PRKCE: variants seen among roughly 807,000 people sequenced by gnomAD.
PRKCE encodes the protein protein kinase C epsilon.
PRKCE carries 16 observed loss-of-function variants against 85.4 expected under a neutral mutation model. The ratio of observed to expected loss-of-function variants is 0.19; its 90% CI spans 0.13 to 0.28. The LOEUF (loss-of-function observed/expected upper bound fraction) is 0.28, where lower values mean the gene tolerates loss of function less well. PRKCE is among the 10% of genes least tolerant of loss of function. The pLI, the probability that PRKCE is intolerant of heterozygous loss-of-function variation, is 1.00. For synonymous variants in PRKCE, 388 were observed against 371.5 expected (o/e 1.04, Z -0.51); for missense variants, 573 against 975.2 (o/e 0.59, Z 5.49).
At chr2:45,741,083 C>T (rs908282194) in intron 1 of PRKCE, among the ~76,000 whole-genome samples, 4 of 152,092 alleles carry the variant, frequency 2.6e-5, no homozygotes, top group African/African-American at 4.8e-5. Context: ...AAATTAAATG[C>T]GGAAATTTCC....
intron 11 of PRKCE, among the ~76,000 whole-genome samples, chr2:46,096,750 C>T (rs1198342492): frequency 6.6e-6 from 1 of 152,198 alleles, no homozygotes; most frequent in Non-Finnish European, 1.5e-5. Flanking sequence ...TTCTAGCAAA[C>T]TAATACTGAG....
chr2:45,679,345 A>G (rs187469569), intron 1 of PRKCE, among the ~76,000 whole-genome samples: 1 of 152,354 alleles, frequency 6.6e-6, no homozygotes, highest in East Asian at 1.9e-4. Flanking sequence ...ATACTGGAGA[A>G]AGCAATGTGT....
At chr2:45,960,442 A>G (rs1214648019) in intron 2 of PRKCE, among the ~76,000 whole-genome samples, 5 of 152,178 alleles carry the variant, frequency 3.3e-5, no homozygotes, top group Non-Finnish European at 1.5e-5. Flanking sequence ...CAGTTTTTCC[A>G]CTGATGGGCA....
intron 1 of PRKCE, among the ~76,000 whole-genome samples, chr2:45,743,043 C>T (rs1682709463): frequency 6.6e-6 from 1 of 152,134 alleles, no homozygotes; most frequent in South Asian, 2.1e-4. Flanking sequence ...ATTGCATGAT[C>T]TCATTTATAT....
intron 1 of PRKCE, among the ~76,000 whole-genome samples, chr2:45,836,975 A>C (rs1690933845): frequency 6.6e-6 from 1 of 152,194 alleles, no homozygotes. Context: ...TGTCCCAAGG[A>C]AAGGTTTGCT....
intron 1 of PRKCE, among the ~76,000 whole-genome samples, chr2:45,833,945 C>G (rs1690642254): frequency 6.6e-6 from 1 of 152,226 alleles, no homozygotes; most frequent in Non-Finnish European, 1.5e-5. Context: ...AGATGATGCT[C>G]TGTACCCTTA....
In PRKCE at chr2:46,159,836, G is replaced by T. The variant is rs371488495; in HGVS notation, c.2067+84G>T. 17 of 1,536,760 alleles carry T rather than the reference G, an allele frequency of 1.1e-5. No homozygotes were observed. Among genetic ancestry groups the T allele is most frequent in the Middle Eastern group, 2.0e-4 (1 of 4,884 alleles). ...AGGCTGCGTGCACCCAGGAAGAGTT[G>T]GTCAGGGGATGCGTATTACAGTAAA... On this transcript the variant is annotated intron_variant, in intron 14 of 14. Coordinates refer to ENST00000306156, the MANE Select transcript of PRKCE (RefSeq NM_005400.3). This position sits in a 1 kb window ranked among gnomAD's most constrained non-coding sequence, Gnocchi z 4.1.
At chr2:45,664,014 A>G (rs1325804611) in intron 1 of PRKCE, among the ~76,000 whole-genome samples, 2 of 152,236 alleles carry the variant, frequency 1.3e-5, no homozygotes. Flanking sequence ...ACATATATTG[A>G]GTACTTTCTA....
chr2:46,147,086 C>T (rs913222619), intron 12 of PRKCE, among the ~76,000 whole-genome samples: 2 of 152,104 alleles, frequency 1.3e-5, no homozygotes, highest in South Asian at 2.1e-4. Context: ...AGGAACATCT[C>T]GAAGTGAAGG....
intron 14 of PRKCE, among the ~76,000 whole-genome samples, chr2:46,183,231 C>T (rs1308923706): frequency 6.6e-6 from 1 of 152,202 alleles, no homozygotes; most frequent in Non-Finnish European, 1.5e-5. Context: ...ACAAAGCAAA[C>T]TAGATTTCCT....
At chr2:46,055,757 G>T (rs1242489999) in intron 10 of PRKCE, among the ~76,000 whole-genome samples, 1 of 152,030 alleles carries the variant, frequency 6.6e-6, no homozygotes, top group Non-Finnish European at 1.5e-5. Context: ...CAACCACCTG[G>T]GCTCAAGTGA....
chr2:45,780,516 C>T (rs6737567), intron 1 of PRKCE, among the ~76,000 whole-genome samples: 9,667 of 152,182 alleles, frequency 0.064, 1,041 homozygotes, highest in African/African-American at 0.22. Flanking sequence ...GAGAATGAGG[C>T]GACCAAGAGC....
chr2:45,845,147 G>A (rs1691676159), intron 2 of PRKCE, among the ~76,000 whole-genome samples: 1 of 150,320 alleles, frequency 6.7e-6, no homozygotes. Flanking sequence ...AATCCGTTCT[G>A]AGAAGCTGCT....
At position 45,681,491 on chromosome 2, in the gene PRKCE, C is replaced by A. The variant is rs779560940; in HGVS notation, c.348+29043C>A. ...GAGTCATGAAAAAGTTGTCAGAGTA[C>A]CCAGGTAGGCGTTTATGATGCACCT... On this transcript the variant is annotated intron_variant, in intron 1 of 14. Coordinates refer to ENST00000306156, the MANE Select transcript of PRKCE (RefSeq NM_005400.3). Among the ~76,000 whole-genome samples the A allele has an allele frequency of 2.6e-5, 4 of 151,924 alleles. 1 individual carries two copies. The highest frequency in any genetic ancestry group is 2.6e-4 in the Admixed American group (4 of 15,242).
chr2:46,162,137 C>T (rs1449223555), intron 14 of PRKCE, among the ~76,000 whole-genome samples: 1 of 152,102 alleles, frequency 6.6e-6, no homozygotes, highest in Non-Finnish European at 1.5e-5. Context: ...TTCCTGTGGG[C>T]AGGGGTATGA....
chr2:45,886,635 C>T (rs1252521724), intron 2 of PRKCE, among the ~76,000 whole-genome samples: 1 of 152,222 alleles, frequency 6.6e-6, no homozygotes, highest in Non-Finnish European at 1.5e-5. Flanking sequence ...TGCAATGAGT[C>T]TTGACAATGC....
In PRKCE at chr2:45,981,047, G is replaced by C. The variant is rs190210713; in HGVS notation, c.693+666G>C. Among the ~76,000 whole-genome samples, 43 of 152,334 alleles carry C rather than the reference G, an allele frequency of 2.8e-4. No homozygotes were observed. In the East Asian group the frequency reaches 3.5e-3, roughly 12 times the overall value. ...AGTTTGTTCTAAAGCCTGAGCCCTT[G>C]ACCACTGCACTACGTTGTCTCTTAA... is the stretch of plus-strand genomic sequence containing the variant. On this transcript the variant is annotated intron_variant, in intron 5 of 14. Coordinates refer to ENST00000306156, the MANE Select transcript of PRKCE (RefSeq NM_005400.3).
intron 2 of PRKCE, among the ~76,000 whole-genome samples, chr2:45,903,696 A>G (rs1281689276): frequency 2.6e-5 from 4 of 152,212 alleles, no homozygotes; most frequent in Non-Finnish European, 4.4e-5. Context: ...CTAGACACAC[A>G]GACCAGAAAG....
intron 1 of PRKCE, among the ~76,000 whole-genome samples, chr2:45,674,532 A>G (rs528349): frequency 0.88 from 134,035 of 152,208 alleles, 59,206 homozygotes; most frequent in African/African-American, 0.96. Context: ...GTCAGGGCCC[A>G]ACTCACTGTG....
Sources: allele counts gnomAD v4.1 joint callset (sites outside exome capture counted in the v4.1 genomes callset), GRCh38; gene constraint gnomAD v4.1.1; non-coding constraint Gnocchi (gnomAD v3.1); transcripts MANE v1.5; gene names NCBI Gene and HGNC (gene_info 2026-07-23, HGNC 2026-07-21).